RAB21: variants seen among roughly 807,000 people sequenced by gnomAD.
RAB21 encodes the protein RAB21, member RAS oncogene family.
A neutral mutation model predicts 33.1 loss-of-function variants in RAB21; 13 were observed. The observed-to-expected ratio is 0.39, with a 90% CI of 0.26 to 0.62. RAB21 has a LOEUF of 0.62. RAB21 is among the 20% of genes least tolerant of loss of function. The pLI is 0.48. For synonymous variants in RAB21, 91 were observed against 103.7 expected, an observed-to-expected ratio of 0.88 and a Z score of 0.74; for missense variants, 234 against 279.1, an observed-to-expected ratio of 0.84 and a Z score of 1.15.
chr12:71,760,742 C>T (rs149146539), intron 1 of RAB21, among the ~76,000 whole-genome samples: 22 of 151,868 alleles, frequency 1.4e-4, no homozygotes, highest in African/African-American at 5.1e-4. Flanking sequence ...ATTGAAGGTG[C>T]TTATTGAAGA....
intron 3 of RAB21, among the ~76,000 whole-genome samples, chr12:71,772,955 A>G (rs944397421): frequency 1.1e-4 from 16 of 152,324 alleles, no homozygotes; most frequent in Admixed American, 4.6e-4. Flanking sequence ...ACATTTGTAC[A>G]CCATAAGACC....
At chr12:71,782,969 T>A (rs1301110107) in intron 6 of RAB21, among the ~76,000 whole-genome samples, 1 of 152,132 alleles carries the variant, frequency 6.6e-6, no homozygotes, top group African/African-American at 2.4e-5. Flanking sequence ...TTAAGACCTG[T>A]AACAACCTCT....
intron 4 of RAB21, among the ~76,000 whole-genome samples, chr12:71,780,193 G>T (rs1197132416): frequency 6.6e-6 from 1 of 152,094 alleles, no homozygotes; most frequent in East Asian, 1.9e-4. Context: ...AGGCAGTAAG[G>T]TGATTGCCTG....
At chr12:71,778,745 C>T (rs1883155883) in intron 4 of RAB21, among the ~76,000 whole-genome samples, 1 of 152,140 alleles carries the variant, frequency 6.6e-6, no homozygotes, top group African/African-American at 2.4e-5. Flanking sequence ...AGCACAAAAG[C>T]AAACAAACTA....
Position 71,789,627 on chromosome 12 carries a change from A to G in RAB21, c.*3954A>G, listed in dbSNP as rs1009482258. 1.3e-5 allele frequency: 2 copies of G among 152,284 alleles called. No individual in the cohort carries two copies. The highest frequency in any genetic ancestry group is 4.1e-4 in the South Asian group (2 of 4,828). 9.4% of individuals were successfully genotyped at this position (152,284 alleles called of 1,614,324 possible). A position where few individuals can be genotyped will look rare whatever the true frequency, so the allele number is the denominator to read the frequency against. The stretch of plus-strand genomic sequence containing the variant: ...GAGCCTCACAATAATGTCTAAAGAT[A>G]TAAACTGAGTAGATCCCTAAGTACT... On this transcript the variant is annotated 3_prime_UTR_variant, in exon 7 of 7. Transcript: ENST00000261263.
intron 1 of RAB21, among the ~76,000 whole-genome samples, chr12:71,767,055 C>T (rs1215540797): frequency 6.6e-6 from 1 of 152,082 alleles, no homozygotes; most frequent in African/African-American, 2.4e-5. Context: ...TAAATGTTAG[C>T]TAGTATTAGC....
At chr12:71,782,782 T>A in intron 6 of RAB21, 124 bp downstream of exon 6, 1 of 636,386 alleles carries the variant, frequency 1.6e-6, no homozygotes, top group East Asian at 2.9e-5. Flanking sequence ...TATTGACTAT[T>A]GGTAGTATTT....
intron 4 of RAB21, among the ~76,000 whole-genome samples, chr12:71,775,123 A>G (rs1372956987): frequency 2.0e-5 from 3 of 152,138 alleles, no homozygotes; most frequent in Non-Finnish European, 4.4e-5. Context: ...GGACTTCTGG[A>G]ATTTCTCTTT....
chr12:71,755,905 G>C (rs957163163), intron 1 of RAB21, among the ~76,000 whole-genome samples: 2 of 152,194 alleles, frequency 1.3e-5, no homozygotes, highest in Non-Finnish European at 2.9e-5. Flanking sequence ...AACATCAAGT[G>C]AATACTGGCC....
chr12:71,762,329 G>A (rs1181458980), intron 1 of RAB21, among the ~76,000 whole-genome samples: 1 of 149,450 alleles, frequency 6.7e-6, no homozygotes, highest in Non-Finnish European at 1.5e-5. Flanking sequence ...TTTTTGAGAC[G>A]GAGTCTCGCT....
chr12:71,770,828 G>A (rs1490852088), intron 3 of RAB21, 129 bp downstream of exon 3: 11 of 602,826 alleles, frequency 1.8e-5, no homozygotes, highest in Admixed American at 3.6e-5. Flanking sequence ...GTGCATAACT[G>A]GTGACCACTT....
rs538807024 is a variant in RAB21 at position 71,775,040 on chromosome 12, A to T, written c.391+1018A>T. 2.0e-5 allele frequency among the ~76,000 whole-genome samples: 3 copies of T among 152,334 alleles called. No homozygotes were observed. The East Asian group carries it at 5.8e-4, about 29-fold the overall frequency. ...GTAATGGTCAGATTTGGCCATAAGG[A>T]TACAAGTAGATCATGATCCCAGGGT... On this transcript the variant is annotated intron_variant, in intron 4 of 6. Transcript: ENST00000261263.
intron 4 of RAB21, among the ~76,000 whole-genome samples, chr12:71,779,897 G>A (rs898595988): frequency 1.3e-5 from 2 of 152,164 alleles, no homozygotes; most frequent in Non-Finnish European, 1.5e-5. Context: ...CTCCTTAGCT[G>A]TCTTGCTTTT....
intron 1 of RAB21, among the ~76,000 whole-genome samples, chr12:71,762,578 A>G (rs908811162): frequency 3.3e-5 from 5 of 150,954 alleles, no homozygotes; most frequent in African/African-American, 1.2e-4. Context: ...GTGCTGGGAT[A>G]GGTTTTGTTT....
chr12:71,777,186 T>C (rs562808375), intron 4 of RAB21, among the ~76,000 whole-genome samples: 5 of 152,316 alleles, frequency 3.3e-5, no homozygotes, highest in African/African-American at 1.2e-4. Flanking sequence ...GTGTTGCTTT[T>C]TCATCCCAAC....
chr12:71,756,113 A>C lies in RAB21; in HGVS notation c.159+825A>C, dbSNP rs114008050. ...AATCAGTTTTGATGTTATTAGGAGA[A>C]ATTTATCCTACTAATTTGACTTACC... On this transcript the variant is annotated intron_variant, in intron 1 of 6. Coordinates refer to ENST00000261263, the MANE Select transcript of RAB21 (RefSeq NM_014999.4). Among the ~76,000 whole-genome samples, 729 of 152,294 alleles carry C rather than the reference A, an allele frequency of 4.8e-3. 7 individuals carry two copies. The highest frequency in any genetic ancestry group is 0.017 in the African/African-American group (694 of 41,556).
intron 1 of RAB21, among the ~76,000 whole-genome samples, chr12:71,769,208 C>G (rs1419930930): frequency 6.6e-6 from 1 of 152,180 alleles, no homozygotes. Context: ...TCAGTACTAT[C>G]TTTACAGTGT....
In RAB21 at chr12:71,790,147, C is replaced by T. The variant is rs527592184; in HGVS notation, c.*4474C>T. 30 of 152,292 alleles carry T rather than the reference C, an allele frequency of 2.0e-4. No individual in the cohort carries two copies. The highest frequency in any genetic ancestry group is 6.7e-4 in the African/African-American group (28 of 41,572). 9.4% of individuals were successfully genotyped at this position (152,292 alleles called of 1,614,324 possible). Reference sequence around the variant, plus strand: ...AACATGATGAGTTAATGTTACACAGCATACCCAGTTAGGTCTCTTATTCTT... The same window carrying T: ...AACATGATGAGTTAATGTTACACAGTATACCCAGTTAGGTCTCTTATTCTT... On this transcript the variant is annotated 3_prime_UTR_variant, in exon 7 of 7. Transcript: ENST00000261263.
Position 71,788,709 on chromosome 12 carries a change from T to C in RAB21, c.*3036T>C, listed in dbSNP as rs1883333676. Reference sequence around the variant, plus strand: ...CCAGTAAGCATATACAGTTAACTTATATAATTAAAAATTGGTTTAAGATAG... The same window carrying C: ...CCAGTAAGCATATACAGTTAACTTACATAATTAAAAATTGGTTTAAGATAG... On this transcript the variant is annotated 3_prime_UTR_variant, in exon 7 of 7. Transcript: ENST00000261263. 1 of 152,202 alleles carries C rather than the reference T, an allele frequency of 6.6e-6. No homozygotes were observed. The highest frequency in any genetic ancestry group is 2.4e-5 in the African/African-American group (1 of 41,460). The allele number at this position is 152,202 out of a possible 1,614,324, so 9.4% of individuals were successfully genotyped here.
Sources: gnomAD v4.1 joint callset for allele counts (sites outside exome capture counted in the v4.1 genomes callset) on GRCh38, gnomAD v4.1.1 for gene constraint, MANE v1.5 for transcripts, NCBI Gene and HGNC (gene_info 2026-07-23, HGNC 2026-07-21) for gene names.